Variants in MCM9 observed in about 807,000 individuals in gnomAD.
MCM9 encodes the protein DNA helicase MCM9.
MCM9 carries 55 observed loss-of-function variants against 72.8 expected under a neutral mutation model. The ratio of observed to expected loss-of-function variants is 0.76; its 90% CI spans 0.61 to 0.95. The LOEUF (loss-of-function observed/expected upper bound fraction) is 0.95, where lower values mean the gene tolerates loss of function less well. Ranked by LOEUF, MCM9 falls within the 40% of genes least tolerant of loss-of-function variation. The pLI is 0.00. For synonymous variants in MCM9, 480 were observed against 503.4 expected, an observed-to-expected ratio of 0.95 and a Z score of 0.62; for missense variants, 1,279 against 1,377.0, an observed-to-expected ratio of 0.93 and a Z score of 1.13.
At chr6:118,869,341 A>G (rs1339496559) in intron 8 of MCM9, among the ~76,000 whole-genome samples, 1 of 152,136 alleles carries the variant, frequency 6.6e-6, no homozygotes, top group African/African-American at 2.4e-5. Context: ...GCAAACCAAC[A>G]TGGTACATGT....
At chr6:118,875,172 G>C (rs1427866762) in intron 8 of MCM9, among the ~76,000 whole-genome samples, 1 of 152,118 alleles carries the variant, frequency 6.6e-6, no homozygotes, top group East Asian at 1.9e-4. Context: ...AATGAAATGG[G>C]TATAAATGAA....
intron 8 of MCM9, chr6:118,894,526 A>G: frequency 6.5e-7 from 1 of 1,536,046 alleles, no homozygotes; most frequent in African/African-American, 1.4e-5. Flanking sequence ...TCTGAAGGTG[A>G]GTGCGGCGCC....
intron 4 of MCM9, 44 bp downstream of exon 4, chr6:118,923,767 A>T: frequency 5.2e-6 from 8 of 1,548,976 alleles, no homozygotes; most frequent in Non-Finnish European, 6.2e-6. Flanking sequence ...ATAGCTGAAA[A>T]ACACTTCTTC....
intron 8 of MCM9, among the ~76,000 whole-genome samples, chr6:118,890,618 A>G (rs975747105): frequency 1.3e-5 from 2 of 152,330 alleles, no homozygotes; most frequent in East Asian, 3.8e-4. Context: ...AAAATTTCAC[A>G]TAACAAATGC....
In MCM9 at chr6:118,921,745, C is replaced by T. The variant is rs1223524015; in HGVS notation, c.703+260G>A. On this transcript the variant is annotated intron_variant, in intron 5 of 13. Transcript: ENST00000619706. ...GTTCTGGATTCATGTTCCAGTTATGCCACTTAACTCTCTAAGTGACCTTAG... is the reference window on the plus strand; with the variant it reads ...GTTCTGGATTCATGTTCCAGTTATGTCACTTAACTCTCTAAGTGACCTTAG... 1.4e-5 allele frequency: 4 copies of T among 293,378 alleles called. No homozygotes were observed. In the East Asian group the frequency reaches 1.9e-4, roughly 14 times the overall value. 18.2% of individuals were successfully genotyped at this position (293,378 alleles called of 1,614,324 possible). A position where few individuals can be genotyped will look rare whatever the true frequency, so the allele number is the denominator to read the frequency against.
intron 8 of MCM9, among the ~76,000 whole-genome samples, chr6:118,863,998 GAATT>G (rs1179467394): frequency 6.8e-6 from 1 of 147,116 alleles, no homozygotes; most frequent in Non-Finnish European, 1.5e-5. Flanking sequence ...GAGATTGTCA[GAATT>G]GATTTAAAAA....
chr6:118,865,465 G>A (rs1327767017), intron 8 of MCM9, among the ~76,000 whole-genome samples: 1 of 152,192 alleles, frequency 6.6e-6, no homozygotes, highest in Admixed American at 6.5e-5. Context: ...TTGAACAAGT[G>A]TGCAAACACT....
At chr6:118,911,080 C>A (rs1780512728) in intron 8 of MCM9, 2 of 984,722 alleles carry the variant, frequency 2.0e-6, no homozygotes, top group African/African-American at 1.7e-5. Flanking sequence ...CCCTGGGTCA[C>A]TTTATTTATA....
rs143585050 is a variant in MCM9 at position 118,865,640 on chromosome 6, C to T, written c.1151-9095G>A. ...CTAACAGGGCAAACAAATAGCTCTGCAGCAGCCAAAACAGAGCTTGACACT... is the reference window on the plus strand; with the variant it reads ...CTAACAGGGCAAACAAATAGCTCTGTAGCAGCCAAAACAGAGCTTGACACT... On this transcript the variant is annotated intron_variant, in intron 8 of 13. Coordinates refer to ENST00000619706, the MANE Select transcript of MCM9 (RefSeq NM_017696.3). Among the ~76,000 whole-genome samples, 583 of 152,324 alleles carry T rather than the reference C, an allele frequency of 3.8e-3. 6 individuals are homozygous for T. The highest frequency in any genetic ancestry group is 0.013 in the African/African-American group (556 of 41,576).
At chr6:118,891,105 G>A (rs1778914331) in intron 8 of MCM9, among the ~76,000 whole-genome samples, 1 of 152,138 alleles carries the variant, frequency 6.6e-6, no homozygotes, top group Admixed American at 6.5e-5. Flanking sequence ...TTGACTTCAA[G>A]TTTCACTTCT....
intron 9 of MCM9, among the ~76,000 whole-genome samples, chr6:118,847,881 T>C (rs1250298251): frequency 1.3e-5 from 2 of 151,960 alleles, no homozygotes; most frequent in African/African-American, 2.4e-5. Flanking sequence ...GGCATCAGAT[T>C]TGTCAATAGC....
intron 12 of MCM9, 81 bp from the exon 13 acceptor site, chr6:118,826,373 C>T: frequency 7.7e-6 from 11 of 1,436,604 alleles, no homozygotes; most frequent in Non-Finnish European, 9.2e-6. Flanking sequence ...CAGCAATCCC[C>T]GGGGGCTAAG....
chr6:118,873,217 GGGAAAGGGAA>G (rs1777725614), intron 8 of MCM9, among the ~76,000 whole-genome samples: 1 of 82,806 alleles, frequency 1.2e-5, no homozygotes, highest in Non-Finnish European at 2.5e-5. Context: ...GGGAGGGAAA[GGGAAAGGGAA>G]GGGGAAAGGG....
intron 8 of MCM9, among the ~76,000 whole-genome samples, chr6:118,864,220 T>C (rs1777078886): frequency 6.6e-6 from 1 of 152,018 alleles, no homozygotes; most frequent in African/African-American, 2.4e-5. Flanking sequence ...ACTCCCACCA[T>C]TCCCCGAGTC....
At chr6:118,843,704 GTATGTATATATATATGTATA>G (rs1775647151) in intron 9 of MCM9, among the ~76,000 whole-genome samples, 2 of 60,840 alleles carry the variant, frequency 3.3e-5, no homozygotes, top group African/African-American at 1.3e-4. Flanking sequence ...ATATATATAT[GTATGTATATATATATGTATA>G]TATATATATA....
chr6:118,919,954 AC>A (rs1781301850), intron 5 of MCM9: 1 of 152,180 alleles, frequency 6.6e-6, no homozygotes, highest in African/African-American at 2.4e-5. Flanking sequence ...TTTGATTCCC[AC>A]AGAGGTTTAT....
intron 8 of MCM9, among the ~76,000 whole-genome samples, chr6:118,871,197 AAAGT>A (rs1777574990): frequency 6.6e-6 from 1 of 152,196 alleles, no homozygotes; most frequent in East Asian, 1.9e-4. Flanking sequence ...AAATCTCAAC[AAAGT>A]AATAACAAAA....
chr6:118,871,735 T>C (rs550955419), intron 8 of MCM9, among the ~76,000 whole-genome samples: 91 of 151,258 alleles, frequency 6.0e-4, no homozygotes, highest in African/African-American at 2.0e-3. Context: ...GCTAACATGG[T>C]GAAACCCCGT....
rs1283835925 is a variant in MCM9, at chr6:118,829,030, T to TTG, written c.1528+16_1528+17dup. On this transcript the variant is annotated intron_variant, in intron 10 of 13. Coordinates refer to ENST00000619706, the MANE Select transcript of MCM9 (RefSeq NM_017696.3). ...TAATCTCTCTGTTATTTTGAATGCT[T>TTG]TGTTTGTCTTCACGTACCTTTATTT... is the stretch of plus-strand genomic sequence containing the variant. 6.5e-7 allele frequency: 1 copy of TTG among 1,546,490 alleles called. No homozygotes were observed. The highest frequency in any genetic ancestry group is 8.7e-7 in the Non-Finnish European group (1 of 1,144,684).
Sources: allele counts gnomAD v4.1 joint callset (sites outside exome capture counted in the v4.1 genomes callset), GRCh38; gene constraint gnomAD v4.1.1; transcripts MANE v1.5; gene names NCBI Gene and HGNC (gene_info 2026-07-23, HGNC 2026-07-21).